BORA: variants seen among roughly 807,000 people sequenced by gnomAD.
BORA encodes BORA aurora kinase A activator, also known as protein aurora borealis.
BORA carries 26 observed loss-of-function variants against 55.8 expected under a neutral mutation model. The ratio of observed to expected loss-of-function variants is 0.47; its 90% confidence interval spans 0.34 to 0.65. The LOEUF (loss-of-function observed/expected upper bound fraction) is 0.65. Among genes scored for constraint, BORA ranks in the 30% least tolerant of loss-of-function variants. The pLI, the probability that BORA is intolerant of heterozygous loss-of-function variation, is 0.01. For synonymous variants in BORA, 201 were observed against 216.9 expected, an observed-to-expected ratio of 0.93 and a Z score of 0.64; for missense variants, 568 against 671.5, an observed-to-expected ratio of 0.85 and a Z score of 1.70.
intron 2 of BORA, among the ~76,000 whole-genome samples, chr13:72,730,042 A>T (rs912317768): frequency 4.0e-5 from 6 of 151,428 alleles, no homozygotes; most frequent in Non-Finnish European, 7.4e-5. Context: ...TGATGCACCC[A>T]CTTCAGCCTC....
chr13:72,730,337 A>C (rs2032785505), intron 2 of BORA, among the ~76,000 whole-genome samples: 2 of 152,206 alleles, frequency 1.3e-5, no homozygotes, highest in African/African-American at 4.8e-5. Flanking sequence ...TCTTGGTCTT[A>C]CTAAAAATAA....
At chr13:72,728,209 G>T (rs1378330008) in intron 1 of BORA, 1 of 757,032 alleles carries the variant, frequency 1.3e-6, no homozygotes, top group Admixed American at 2.0e-5. Context: ...AGGGAAGCCG[G>T]CTGCATCTCA....
At chr13:72,728,260 G>C (rs1393176622) in intron 1 of BORA, 1 of 699,996 alleles carries the variant, frequency 1.4e-6, no homozygotes, top group East Asian at 2.7e-5. Context: ...ACCCCGCCAA[G>C]GTGTAGCCTC....
At chr13:72,753,975 T>C (rs1217450582) in intron 11 of BORA, 154 bp downstream of exon 11, 3 of 786,420 alleles carry the variant, frequency 3.8e-6, no homozygotes, top group East Asian at 2.8e-5. Context: ...CCTTTAAATA[T>C]TTTGGTTACT....
intron 5 of BORA, among the ~76,000 whole-genome samples, chr13:72,739,263 T>C (rs943157807): frequency 7.2e-5 from 11 of 152,226 alleles, no homozygotes; most frequent in Non-Finnish European, 2.9e-5. Context: ...ATTTTTTAAA[T>C]AACATTTTTG....
At chr13:72,749,434 A>G (rs1031046003) in intron 10 of BORA, among the ~76,000 whole-genome samples, 8 of 152,106 alleles carry the variant, frequency 5.3e-5, no homozygotes, top group Non-Finnish European at 1.2e-4. Context: ...TTCTTGAATA[A>G]TATCTTAGAT....
intron 8 of BORA, 46 bp downstream of exon 8, chr13:72,745,253 T>A (rs544981935): frequency 1.3e-6 from 2 of 1,492,282 alleles, no homozygotes; most frequent in South Asian, 2.3e-5. Flanking sequence ...CTGTCAAGCT[T>A]GAACCCACAT....
chr13:72,750,637 G>A (rs1322847837), intron 10 of BORA, among the ~76,000 whole-genome samples: 1 of 151,954 alleles, frequency 6.6e-6, no homozygotes, highest in Non-Finnish European at 1.5e-5. Flanking sequence ...AGAGAGAGAA[G>A]ATTTTTAAAA....
intron 4 of BORA, 56 bp from the exon 5 acceptor site, chr13:72,737,906 C>A: frequency 1.8e-6 from 2 of 1,138,286 alleles, no homozygotes; most frequent in South Asian, 1.5e-5. Flanking sequence ...AACACAGGTA[C>A]CGTCTCACAT....
In BORA at chr13:72,740,022, G is replaced by C. The variant is rs1046104231; in HGVS notation, c.388+1979G>C. On this transcript the variant is annotated intron_variant, in intron 5 of 11. Transcript: ENST00000390667. ...GTCCATGTGCGGTATGAGGGTTGGG[G>C]GGTCAGTCAGGTAGGCCATATGTAG... Among the ~76,000 whole-genome samples, 223 of 152,036 alleles carry C rather than the reference G, an allele frequency of 1.5e-3. 1 individual carries two copies. The highest frequency in any genetic ancestry group is 3.4e-3 in the Middle Eastern group (1 of 294).
rs1032460837 is a variant in BORA at position 72,743,390 on chromosome 13, A to G, written c.389-147A>G. On this transcript the variant is annotated intron_variant, in intron 5 of 11. Coordinates refer to ENST00000390667, the MANE Select transcript of BORA (RefSeq NM_024808.5). Reference sequence around the variant, plus strand: ...TCAAAGGTAAAAAAATAATAGAAACATACCAAAATATATACTTATATATGC... The same window carrying G: ...TCAAAGGTAAAAAAATAATAGAAACGTACCAAAATATATACTTATATATGC... 20 of 464,756 alleles carry G rather than the reference A, an allele frequency of 4.3e-5. No individual in the cohort carries two copies. The Middle Eastern group carries it at 1.8e-3, about 41-fold the overall frequency. The allele number at this position is 464,756 out of a possible 1,614,324, so 28.8% of individuals were successfully genotyped here. A position where few individuals can be genotyped will look rare whatever the true frequency, so the allele number is the denominator to read the frequency against.
chr13:72,740,902 A>C (rs1177418313), intron 5 of BORA, among the ~76,000 whole-genome samples: 1 of 152,200 alleles, frequency 6.6e-6, no homozygotes, highest in Non-Finnish European at 1.5e-5. Context: ...TCTGTGCCTC[A>C]GTTTCCTTAT....
rs748744513 is a variant in BORA, at chr13:72,735,022, C to G, written c.306+17C>G. ...ATTGAAGAGGTAACTTAAACTGTTA[C>G]TGATCATTAAATCAGTTAAGGATCA... On this transcript the variant is annotated intron_variant, in intron 4 of 11. Transcript: ENST00000390667. 6.4e-7 allele frequency: 1 copy of G among 1,571,292 alleles called. No individual in the cohort carries two copies.
In BORA at chr13:72,755,470, AAC is replaced by A. The variant is rs2033434886; in HGVS notation, c.*256_*257del. ...ACTTACATTGAGTGATGTGTTTAAC[AAC>A]AAATTGTGACAGAGCTGAGTGCTCC... is the stretch of plus-strand genomic sequence containing the variant. On this transcript the variant is annotated 3_prime_UTR_variant, in exon 12 of 12. Coordinates refer to ENST00000390667, the MANE Select transcript of BORA (RefSeq NM_024808.5). The A allele has an allele frequency of 2.2e-6, 1 of 457,040 alleles. No homozygotes were observed. Among genetic ancestry groups the A allele is most frequent in the Admixed American group, 3.8e-5 (1 of 25,996 alleles). 28.3% of individuals were successfully genotyped at this position (457,040 alleles called of 1,614,324 possible).
At chr13:72,742,537 T>G (rs2033052845) in intron 5 of BORA, among the ~76,000 whole-genome samples, 1 of 152,038 alleles carries the variant, frequency 6.6e-6, no homozygotes, top group Non-Finnish European at 1.5e-5. Flanking sequence ...CTTTTAAGGT[T>G]GACGTCATGA....
At chr13:72,729,617 A>T (rs988932800) in intron 2 of BORA, among the ~76,000 whole-genome samples, 1 of 152,326 alleles carries the variant, frequency 6.6e-6, no homozygotes, top group African/African-American at 2.4e-5. Flanking sequence ...ACAACTACTC[A>T]CTTCTGTCTT....
chr13:72,736,339 AG>A (rs2032926927), intron 4 of BORA, among the ~76,000 whole-genome samples: 1 of 152,116 alleles, frequency 6.6e-6, no homozygotes, highest in South Asian at 2.1e-4. Context: ...TAAAATAAAA[AG>A]CCTCCTGTTT....
chr13:72,735,097 ACTGT>A, intron 4 of BORA, 92 bp downstream of exon 4: 3 of 1,016,012 alleles, frequency 3.0e-6, no homozygotes, highest in Non-Finnish European at 1.5e-6. Context: ...CAATTCCTTC[ACTGT>A]CCTATCTCCC....
chr13:72,753,237 C>T (rs1044491788), intron 10 of BORA: 1 of 152,880 alleles, frequency 6.5e-6, no homozygotes, highest in South Asian at 2.1e-4. Context: ...GCTGAACTAA[C>T]ATCTAGAGCC....
Sources: gnomAD v4.1 joint callset for allele counts (sites outside exome capture counted in the v4.1 genomes callset) on GRCh38, gnomAD v4.1.1 for gene constraint, MANE v1.5 for transcripts, NCBI Gene and HGNC (gene_info 2026-07-23, HGNC 2026-07-21) for gene names.